Variants in SMIM36 observed in about 807,000 individuals in gnomAD.
The protein encoded by SMIM36 is small integral membrane protein 36.
chr17:55,500,620 C>T (rs939441977), intron 1 of SMIM36, among the ~76,000 whole-genome samples: 5 of 149,360 alleles, frequency 3.3e-5, no homozygotes, highest in Non-Finnish European at 5.9e-5. Flanking sequence ...TAGTTTTTTC[C>T]GAGAGAGAAA....
intron 1 of SMIM36, among the ~76,000 whole-genome samples, chr17:55,486,928 A>G (rs902342361): frequency 6.6e-6 from 1 of 152,178 alleles, no homozygotes; most frequent in Non-Finnish European, 1.5e-5. Context: ...GGATGAATGA[A>G]CTCATTCATT....
At chr17:55,480,502 C>T (rs935675187) in intron 1 of SMIM36, among the ~76,000 whole-genome samples, 8 of 152,190 alleles carry the variant, frequency 5.3e-5, no homozygotes, top group African/African-American at 1.9e-4. Context: ...TCTAAACAAG[C>T]TCTCCAGGTG....
chr17:55,461,918 C>G (rs1043288674), intron 4 of SMIM36, among the ~76,000 whole-genome samples: 2 of 152,144 alleles, frequency 1.3e-5, no homozygotes, highest in Admixed American at 1.3e-4. Flanking sequence ...CGGAAGAAGG[C>G]TGCAAATGTA....
chr17:55,474,076 C>T (rs925523927), intron 3 of SMIM36, among the ~76,000 whole-genome samples: 1 of 152,098 alleles, frequency 6.6e-6, no homozygotes, highest in Non-Finnish European at 1.5e-5. Flanking sequence ...TCACGCGGAC[C>T]CCCTTAGAGT....
intron 3 of SMIM36, among the ~76,000 whole-genome samples, chr17:55,469,795 T>A (rs1007903027): frequency 2.6e-5 from 4 of 152,072 alleles, no homozygotes; most frequent in African/African-American, 9.7e-5. Context: ...CTGGCCAAGA[T>A]GGTGAAACCC....
chr17:55,459,942 A>G (rs1040025669), intron 4 of SMIM36, among the ~76,000 whole-genome samples: 1 of 152,096 alleles, frequency 6.6e-6, no homozygotes, highest in Non-Finnish European at 1.5e-5. Context: ...GTAGTAAGCT[A>G]TGATAGCACC....
chr17:55,460,433 C>CA (rs1222808959), intron 4 of SMIM36, among the ~76,000 whole-genome samples: 4,583 of 77,582 alleles, frequency 0.059, 253 homozygotes, highest in African/African-American at 0.15. Context: ...TGTCTGGAAA[C>CA]AAAAAACAAA....
chr17:55,492,804 C>T (rs1909737366), intron 1 of SMIM36, among the ~76,000 whole-genome samples: 1 of 152,126 alleles, frequency 6.6e-6, no homozygotes, highest in South Asian at 2.1e-4. Context: ...ATATGTTTCA[C>T]ATTGTTAAAG....
chr17:55,475,611 C>T (rs561289153), intron 3 of SMIM36, among the ~76,000 whole-genome samples: 16 of 152,278 alleles, frequency 1.1e-4, no homozygotes, highest in African/African-American at 3.6e-4. Context: ...TTACCTAAAT[C>T]AGTCTGGCTT....
chr17:55,483,961 C>T (rs888470356), intron 1 of SMIM36, among the ~76,000 whole-genome samples: 11 of 152,162 alleles, frequency 7.2e-5, no homozygotes, highest in African/African-American at 2.4e-4. Context: ...AAATCTCTCT[C>T]TTTTTCTTTC....
intron 1 of SMIM36, among the ~76,000 whole-genome samples, chr17:55,501,576 A>T (rs1016047832): frequency 7.7e-6 from 1 of 129,422 alleles, no homozygotes; most frequent in African/African-American, 2.9e-5. Flanking sequence ...CATAATAATT[A>T]TATATTCACT....
At chr17:55,453,311 GTAAA>G (rs1010533696) in intron 4 of SMIM36, among the ~76,000 whole-genome samples, 1 of 151,980 alleles carries the variant, frequency 6.6e-6, no homozygotes, top group African/African-American at 2.4e-5. Flanking sequence ...AAATAAGTAA[GTAAA>G]TAAATAAATA....
At chr17:55,484,431 C>T (rs917458892) in intron 1 of SMIM36, among the ~76,000 whole-genome samples, 1 of 152,064 alleles carries the variant, frequency 6.6e-6, no homozygotes, top group Admixed American at 6.6e-5. Context: ...GGAATGAAAC[C>T]GTGAGATGAA....
chr17:55,509,384 G>T (rs73990421), intron 1 of SMIM36, among the ~76,000 whole-genome samples: 15,043 of 152,170 alleles, frequency 0.099, 1,030 homozygotes, highest in East Asian at 0.25. Flanking sequence ...AACATACTTT[G>T]GTTCTTCTGG....
chr17:55,462,172 T>C (rs1909157553), intron 4 of SMIM36, among the ~76,000 whole-genome samples: 1 of 152,210 alleles, frequency 6.6e-6, no homozygotes, highest in Admixed American at 6.5e-5. Context: ...ACTTCCCCAC[T>C]TAATACTTAA....
rs1451316221 is a variant in SMIM36, at chr17:55,511,066, CT to C, written c.268del (p.Ser90AlafsTer8). ...CCTTAGCCAGCCTCATACCATGGTG[CT>C]TTTCTTTCCTAGTGGAGCAGGATCC... On this transcript the variant is annotated frameshift_variant, in exon 1 of 5. Coordinates refer to ENST00000636752, the Ensembl canonical transcript of SMIM36. LOFTEE classifies it high-confidence loss of function. The C allele has an allele frequency of 1.5e-5, 6 of 398,440 alleles. No homozygotes were observed. In the South Asian group the frequency reaches 3.9e-4, roughly 26 times the overall value. 24.7% of individuals were successfully genotyped at this position (398,440 alleles called of 1,614,324 possible).
chr17:55,451,570 T>A (rs566856370), intron 4 of SMIM36, among the ~76,000 whole-genome samples: 4 of 152,308 alleles, frequency 2.6e-5, no homozygotes, highest in African/African-American at 9.6e-5. Context: ...TCTTCTCTTG[T>A]CACTAGATTA....
the SMIM36 span, among the ~76,000 whole-genome samples, chr17:55,531,678 T>C: frequency 6.6e-6 from 1 of 152,236 alleles, no homozygotes; most frequent in Non-Finnish European, 1.5e-5. Flanking sequence ...GAAATCCAAC[T>C]CTTTTTTACT....
chr17:55,501,384 A>T (rs1159520351), intron 1 of SMIM36, among the ~76,000 whole-genome samples: 579 of 33,518 alleles, frequency 0.017, 7 homozygotes, highest in Non-Finnish European at 0.02. Flanking sequence ...ATATTATAGA[A>T]TATAATATAT....
Sources: gnomAD v4.1 joint callset for allele counts (sites outside exome capture counted in the v4.1 genomes callset) on GRCh38, gnomAD v4.1.1 for gene constraint, MANE v1.5 for transcripts, NCBI Gene and HGNC (gene_info 2026-07-23, HGNC 2026-07-21) for gene names.